Variants in PIK3AP1 observed in about 807,000 individuals in gnomAD.
The protein encoded by PIK3AP1 is phosphoinositide 3-kinase adapter protein 1.
A neutral mutation model predicts 88.1 loss-of-function variants in PIK3AP1; 21 were observed. The observed-to-expected ratio is 0.24, with a 90% CI of 0.17 to 0.34. The LOEUF (loss-of-function observed/expected upper bound fraction) is 0.34, where lower values mean the gene tolerates loss of function less well. Ranked by LOEUF, PIK3AP1 falls within the 10% of genes least tolerant of loss-of-function variation. PIK3AP1 has a pLI of 1.00. For missense variants in PIK3AP1, 828 were observed against 1,035.7 expected, an observed-to-expected ratio of 0.80 and a Z score of 2.75; for synonymous variants, 398 against 400.0, an observed-to-expected ratio of 1.00 and a Z score of 0.06.
intron 8 of PIK3AP1, chr10:96,632,869 A>G (rs1218477165): frequency 6.2e-7 from 1 of 1,610,326 alleles, no homozygotes; most frequent in Non-Finnish European, 8.5e-7. Flanking sequence ...TTTAGGTTCA[A>G]TCGAACATTC....
Position 96,595,491 on chromosome 10 carries a change from T to C in PIK3AP1, c.*86A>G. On this transcript the variant is annotated 3_prime_UTR_variant, in exon 17 of 17. Coordinates refer to ENST00000339364, the MANE Select transcript of PIK3AP1 (RefSeq NM_152309.3). ...TGGATCTTAAGGTCAACAGTCATGC[T>C]ATAAAACTCAACATGAAGACATCAT... 1 of 1,367,858 alleles carries C rather than the reference T, an allele frequency of 7.3e-7. No homozygotes were observed. The highest frequency in any genetic ancestry group is 1.4e-5 in the African/African-American group (1 of 69,822). The allele number at this position is 1,367,858 out of a possible 1,614,324, so 84.7% of individuals were successfully genotyped here.
At chr10:96,607,925 GGC>G (rs1333548684) in intron 14 of PIK3AP1, among the ~76,000 whole-genome samples, 1 of 152,192 alleles carries the variant, frequency 6.6e-6, no homozygotes, top group Non-Finnish European at 1.5e-5. Context: ...TTTATTGCAT[GGC>G]AAGAGATAAC....
At chr10:96,708,380 G>T (rs2134289736) in intron 2 of PIK3AP1, among the ~76,000 whole-genome samples, 1 of 152,026 alleles carries the variant, frequency 6.6e-6, no homozygotes, top group South Asian at 2.1e-4. Flanking sequence ...TTTGAGACCA[G>T]CCTGACCAAC....
intron 2 of PIK3AP1, among the ~76,000 whole-genome samples, chr10:96,689,162 C>A (rs1844117133): frequency 6.6e-6 from 1 of 152,172 alleles, no homozygotes; most frequent in South Asian, 2.1e-4. Flanking sequence ...GGCCACTTCT[C>A]AGCCCAAATG....
At position 96,652,666 on chromosome 10, in the gene PIK3AP1, C is replaced by A. The variant is rs201051258; in HGVS notation, c.712+32G>T. The stretch of plus-strand genomic sequence containing the variant: ...AGCATAGCAAATAAGCAATGAAGCC[C>A]TATGTCATCACATTCACAGGGGACT... On this transcript the variant is annotated intron_variant, in intron 4 of 16. Transcript: ENST00000339364. 8 of 1,610,516 alleles carry A rather than the reference C, an allele frequency of 5.0e-6. No individual in the cohort carries two copies. In the East Asian group the frequency reaches 1.6e-4, roughly 31 times the overall value.
chr10:96,714,767 T>C (rs549925947), intron 1 of PIK3AP1, among the ~76,000 whole-genome samples: 1 of 152,216 alleles, frequency 6.6e-6, no homozygotes, highest in South Asian at 2.1e-4. Flanking sequence ...CTGGAACCAT[T>C]TGAGCAACAA....
rs1211054117 is a variant in PIK3AP1 at position 96,645,601 on chromosome 10, T to G, written c.1247A>C (p.Asp416Ala). 2 of 1,612,990 alleles carry G rather than the reference T, an allele frequency of 1.2e-6. No individual in the cohort carries two copies. The highest frequency in any genetic ancestry group is 8.5e-7 in the Non-Finnish European group (1 of 1,179,474). Residue 416 changes from aspartate (D) to alanine (A), a missense_variant, in exon 8 of 17, where the codon GAT becomes GCT. Asp to Ala is a moderately radical substitution (Grantham distance 126, BLOSUM62 -2). This residue lies in a region of PIK3AP1 where 610 missense variants were observed against 760.1 expected (regional missense o/e 0.80). Transcript: ENST00000339364. ...KEELMHGEEA[D>A]AVYESMAHLS... ...GTGGGCCATGGACTCGTACACAGCATCAGCCTCCTCCCCGTGCATCAGTTC... is the reference window on the plus strand; with the variant it reads ...GTGGGCCATGGACTCGTACACAGCAGCAGCCTCCTCCCCGTGCATCAGTTC...
chr10:96,597,165 T>TGTGA (rs1848770450), intron 16 of PIK3AP1, among the ~76,000 whole-genome samples: 1 of 152,088 alleles, frequency 6.6e-6, no homozygotes, highest in South Asian at 2.1e-4. Flanking sequence ...CAGCCTGCCC[T>TGTGA]GTGAGTTTGG....
chr10:96,665,193 A>C (rs1197241158), intron 2 of PIK3AP1, among the ~76,000 whole-genome samples: 1 of 152,220 alleles, frequency 6.6e-6, no homozygotes, highest in Non-Finnish European at 1.5e-5. Flanking sequence ...AGTCTAGAGA[A>C]ACTCTGGAGA....
At position 96,701,306 on chromosome 10, in the gene PIK3AP1, G is replaced by A. The variant is rs117640188; in HGVS notation, c.430+8261C>T. On this transcript the variant is annotated intron_variant, in intron 2 of 16. Transcript: ENST00000339364. ...TTATCTCAGTGTGGAAGAGGAGGGT[G>A]GAGAGGAAAGACTTAGGGGAGAAGC... is the stretch of plus-strand genomic sequence containing the variant. Among the ~76,000 whole-genome samples the A allele has an allele frequency of 1.7e-3, 259 of 152,292 alleles. 6 individuals are homozygous for A. The East Asian group carries it at 0.047, about 28-fold the overall frequency.
Position 96,652,768 on chromosome 10 carries a change from A to G in PIK3AP1, c.642T>C (p.Pro214=), listed in dbSNP as rs752472885. Residue 214 remains proline (P), a synonymous_variant, in exon 4 of 17, where the codon CCT becomes CCC. Coordinates refer to ENST00000339364, the MANE Select transcript of PIK3AP1 (RefSeq NM_152309.3). ...CCATCCTTACAGAGGGAGAATCCTCAGGAGAAAACTCTGCTTCTGTCGCCA... is the reference window on the plus strand; with the variant it reads ...CCATCCTTACAGAGGGAGAATCCTCGGGAGAAAACTCTGCTTCTGTCGCCA... ...DRVATEAEFS[P]EDSPSVRMEA... 6.8e-6 allele frequency: 11 copies of G among 1,614,110 alleles called. No individual in the cohort carries two copies. Among genetic ancestry groups the G allele is most frequent in the Non-Finnish European group, 9.3e-6 (11 of 1,179,990 alleles).
At chr10:96,664,380 TC>T (rs1350195477) in intron 2 of PIK3AP1, among the ~76,000 whole-genome samples, 4 of 152,178 alleles carry the variant, frequency 2.6e-5, no homozygotes, top group African/African-American at 9.7e-5. Context: ...CTTTCCTCTC[TC>T]CCTCCCTCCT....
rs188043903 is a variant in PIK3AP1 at position 96,693,490 on chromosome 10, C to G, written c.430+16077G>C. ...ATGGATGATTTGTGTGTGTACTCCT[C>G]GTTCAGCCTGCCACTAAAATGTTGA... On this transcript the variant is annotated intron_variant, in intron 2 of 16. Transcript: ENST00000339364. Among the ~76,000 whole-genome samples the G allele has an allele frequency of 1.5e-4, 15 of 98,022 alleles. No individual in the cohort carries two copies. In the East Asian group the frequency reaches 4.5e-3, roughly 29 times the overall value. 64.3% of individuals were successfully genotyped at this position (98,022 alleles called of 152,430 possible).
At chr10:96,657,397 G>C (rs989358277) in intron 2 of PIK3AP1, among the ~76,000 whole-genome samples, 2 of 152,184 alleles carry the variant, frequency 1.3e-5, no homozygotes, top group African/African-American at 4.8e-5. Context: ...GCTAGCCAAT[G>C]TATCCCCTCT....
At chr10:96,667,221 T>C (rs745522257) in intron 2 of PIK3AP1, among the ~76,000 whole-genome samples, 6 of 152,254 alleles carry the variant, frequency 3.9e-5, no homozygotes, top group Non-Finnish European at 8.8e-5. Context: ...ACCACAGTGC[T>C]CACTGCCTCT....
intron 14 of PIK3AP1, among the ~76,000 whole-genome samples, chr10:96,608,253 A>G (rs1169334626): frequency 6.6e-6 from 1 of 152,152 alleles, no homozygotes; most frequent in Non-Finnish European, 1.5e-5. Flanking sequence ...GGGTTCTACC[A>G]CTTTCCTCCT....
intron 2 of PIK3AP1, among the ~76,000 whole-genome samples, chr10:96,667,293 G>A (rs758381686): frequency 1.1e-4 from 17 of 152,292 alleles, no homozygotes; most frequent in Non-Finnish European, 2.1e-4. Flanking sequence ...AAAGAATGAC[G>A]TTTGCTGATC....
In PIK3AP1 at chr10:96,628,423, G is replaced by T. The variant is rs1383640830; in HGVS notation, c.1446C>A (p.Asp482Glu). Reference protein sequence around the residue: ...PGDGFSRATKDSMIRKFLEGN... With the variant: ...PGDGFSRATKESMIRKFLEGN... ...CTTCTAAAAACTTGCGGATCATAGA[G>T]TCCTTAGTGGCCCGAGAGAAACCAT... is the stretch of plus-strand genomic sequence containing the variant. Residue 482 changes from aspartate to glutamate, a missense_variant, in exon 9 of 17, where the codon GAC (aspartate) becomes GAA (glutamate). Around this residue, in one of 3 missense-constraint regions of PIK3AP1, gnomAD observed 610 missense variants for 760.1 expected, o/e 0.80. Coordinates refer to ENST00000339364, the MANE Select transcript of PIK3AP1 (RefSeq NM_152309.3). The T allele has an allele frequency of 1.6e-5, 25 of 1,612,708 alleles. No individual in the cohort carries two copies. Among genetic ancestry groups the T allele is most frequent in the Non-Finnish European group, 2.0e-5 (24 of 1,178,856 alleles).
intron 2 of PIK3AP1, among the ~76,000 whole-genome samples, chr10:96,707,225 G>T (rs1384261056): frequency 6.6e-6 from 1 of 152,146 alleles, no homozygotes; most frequent in Non-Finnish European, 1.5e-5. Flanking sequence ...TGAATCACTG[G>T]ACACATCCAA....
Sources: gnomAD v4.1 joint callset for allele counts (sites outside exome capture counted in the v4.1 genomes callset) on GRCh38, gnomAD v4.1.1 for gene constraint, gnomAD v4.1.1 regional missense constraint, MANE v1.5 for transcripts, NCBI Gene and HGNC (gene_info 2026-07-23, HGNC 2026-07-21) for gene names.